IKZF1: variants seen among roughly 807,000 people sequenced by gnomAD.
The protein encoded by IKZF1 is IKAROS family zinc finger 1.
In IKZF1, 10 loss-of-function variants were observed where a neutral mutation model predicts 51.7. The ratio of observed to expected loss-of-function variants is 0.19; its 90% confidence interval spans 0.12 to 0.33. IKZF1 has a LOEUF of 0.33. Among genes scored for constraint, IKZF1 ranks in the 10% least tolerant of loss-of-function variants. The pLI is 1.00. For synonymous variants in IKZF1, 280 were observed against 282.3 expected (o/e 0.99, Z 0.08); for missense variants, 484 against 707.5 (o/e 0.68, Z 3.58).
chr7:50,335,507 A>G, intron 3 of IKZF1, among the ~76,000 whole-genome samples: 1 of 105,512 alleles, frequency 9.5e-6, no homozygotes, highest in African/African-American at 3.9e-5. Context: ...GTATGTGTGT[A>G]TGGGATGTGT....
At chr7:50,375,932 C>T (rs1406181715) in intron 3 of IKZF1, among the ~76,000 whole-genome samples, 3 of 152,122 alleles carry the variant, frequency 2.0e-5, no homozygotes, top group Non-Finnish European at 4.4e-5. Flanking sequence ...AAAGAACTTC[C>T]GGAAATCTGA....
intron 3 of IKZF1, among the ~76,000 whole-genome samples, chr7:50,340,326 A>G (rs1276133205): frequency 6.6e-6 from 1 of 152,216 alleles, no homozygotes; most frequent in African/African-American, 2.4e-5. Flanking sequence ...CTGCCAGGAG[A>G]GTACTTCCCC....
intron 7 of IKZF1, among the ~76,000 whole-genome samples, chr7:50,393,128 C>T (rs1438390730): frequency 1.3e-5 from 2 of 151,968 alleles, no homozygotes; most frequent in African/African-American, 4.8e-5. Flanking sequence ...GAGGCAGTGG[C>T]AGCAGGCATG....
chr7:50,361,337 T>A (rs150178273), intron 3 of IKZF1, among the ~76,000 whole-genome samples: 1 of 152,208 alleles, frequency 6.6e-6, no homozygotes, highest in Non-Finnish European at 1.5e-5. Context: ...GTCTTTAGAA[T>A]CAGCAAATAT....
intron 3 of IKZF1, among the ~76,000 whole-genome samples, chr7:50,354,325 C>G (rs1802662819): frequency 6.6e-6 from 1 of 152,196 alleles, no homozygotes; most frequent in Non-Finnish European, 1.5e-5. Context: ...TCCATCCCAC[C>G]AGAGCCCCCA....
intron 3 of IKZF1, among the ~76,000 whole-genome samples, chr7:50,348,606 C>T (rs1194762023): frequency 1.3e-5 from 2 of 152,170 alleles, no homozygotes; most frequent in Non-Finnish European, 2.9e-5. Flanking sequence ...ATGAGACAGG[C>T]CACCATTTTG....
rs1478466628 is a variant in IKZF1 at position 50,335,549 on chromosome 7, G to A, written c.160+7792G>A. 2.1e-5 allele frequency among the ~76,000 whole-genome samples: 3 copies of A among 146,034 alleles called. No individual in the cohort carries two copies. The East Asian group carries it at 6.3e-4, about 31-fold the overall frequency. On this transcript the variant is annotated intron_variant, in intron 3 of 7. Transcript: ENST00000331340. ...TGGTGCATAGTGTGTATGTGTGTAT[G>A]GGATGTGTGGTGTGTGGTGTGTATG...
intron 3 of IKZF1, among the ~76,000 whole-genome samples, chr7:50,336,231 G>C (rs1161271561): frequency 1.3e-5 from 2 of 152,164 alleles, no homozygotes; most frequent in Admixed American, 6.5e-5. Context: ...ACTGGGGGAG[G>C]AGGAGCCCTG....
intron 1 of IKZF1, among the ~76,000 whole-genome samples, chr7:50,317,511 G>A (rs1229594554): frequency 1.3e-5 from 2 of 152,164 alleles, no homozygotes; most frequent in African/African-American, 4.8e-5. Context: ...TCACATGCTT[G>A]CATCTGGGCT....
intron 3 of IKZF1, among the ~76,000 whole-genome samples, chr7:50,355,330 G>T (rs1562810374): frequency 6.6e-6 from 1 of 152,200 alleles, no homozygotes; most frequent in East Asian, 1.9e-4. Context: ...TTGCAGAGTG[G>T]TCATCATTAT....
At chr7:50,371,609 C>T (rs1394102745) in intron 3 of IKZF1, among the ~76,000 whole-genome samples, 2 of 152,252 alleles carry the variant, frequency 1.3e-5, no homozygotes, top group Non-Finnish European at 2.9e-5. Flanking sequence ...CACCTTCCAT[C>T]ACTGGAAACC....
intron 3 of IKZF1, among the ~76,000 whole-genome samples, chr7:50,350,323 A>G (rs557649334): frequency 6.6e-6 from 1 of 152,226 alleles, no homozygotes; most frequent in Non-Finnish European, 1.5e-5. Context: ...CTGTTTCTCA[A>G]GAAGCCTGTA....
At chr7:50,312,432 C>T (rs962381626) in intron 1 of IKZF1, among the ~76,000 whole-genome samples, 2 of 152,162 alleles carry the variant, frequency 1.3e-5, no homozygotes, top group Non-Finnish European at 2.9e-5. Flanking sequence ...ACAGTCATGG[C>T]CAGCTTGAAC....
intron 3 of IKZF1, among the ~76,000 whole-genome samples, chr7:50,338,664 G>A (rs944921958): frequency 4.4e-4 from 67 of 152,294 alleles, no homozygotes; most frequent in African/African-American, 1.5e-3. Context: ...ACAGAGTACA[G>A]CCTTAACATT....
chr7:50,312,827 T>C (rs1471237483), intron 1 of IKZF1, among the ~76,000 whole-genome samples: 1 of 152,238 alleles, frequency 6.6e-6, no homozygotes, highest in Non-Finnish European at 1.5e-5. Flanking sequence ...AGGAGTTTTC[T>C]GTGGCTCAGT....
rs1307961919 is a variant in IKZF1 at position 50,376,703 on chromosome 7, C to A, written c.331C>A (p.Arg111=). ...GGCTTTGTCGGGAGTTGGAGGCATT[C>A]GACTTCCTAACGGAAAACTAAAGTG... ...SSALSGVGGI[R]LPNGKLKCDI... is the part of the protein sequence containing the mutation. The change falls in exon 4 of 8, where the codon CGA becomes AGA. Residue 111 remains arginine, a synonymous_variant. Transcript: ENST00000331340. This position sits in a 1 kb window ranked among gnomAD's most constrained non-coding sequence, Gnocchi z 4.5. The A allele has an allele frequency of 6.2e-7, 1 of 1,613,924 alleles. No individual in the cohort carries two copies. The highest frequency in any genetic ancestry group is 1.7e-5 in the Admixed American group (1 of 60,008).
At chr7:50,390,541 A>C (rs1814765533) in intron 6 of IKZF1, among the ~76,000 whole-genome samples, 1 of 152,240 alleles carries the variant, frequency 6.6e-6, no homozygotes, top group African/African-American at 2.4e-5. Context: ...AATACTTAGA[A>C]ATGAAGAAAA....
intron 3 of IKZF1, among the ~76,000 whole-genome samples, chr7:50,362,292 C>T (rs1165203645): frequency 3.3e-5 from 5 of 152,216 alleles, no homozygotes; most frequent in African/African-American, 7.2e-5. Flanking sequence ...GTAAGTGAGG[C>T]GCTTCGGAAG....
intron 7 of IKZF1, among the ~76,000 whole-genome samples, chr7:50,396,507 C>T (rs1175730121): frequency 6.6e-6 from 1 of 152,170 alleles, no homozygotes; most frequent in Non-Finnish European, 1.5e-5. Context: ...GGCATTTCCT[C>T]TCTTGTTGGA....
Sources: allele counts gnomAD v4.1 joint callset (sites outside exome capture counted in the v4.1 genomes callset), GRCh38; gene constraint gnomAD v4.1.1; non-coding constraint Gnocchi (gnomAD v3.1); transcripts MANE v1.5; gene names NCBI Gene and HGNC (gene_info 2026-07-23, HGNC 2026-07-21).